The following LDHC variants were observed in gnomAD, a reference collection of about 807,000 sequenced individuals.
The protein encoded by LDHC is L-lactate dehydrogenase C chain.
A neutral mutation model predicts 30.2 loss-of-function variants in LDHC; 20 were observed. That is an observed-to-expected ratio of 0.66 (90% confidence interval 0.47 to 0.96). The LOEUF is 0.96. Ranked by LOEUF, LDHC falls within the 40% of genes least tolerant of loss-of-function variation. The pLI, the probability that LDHC is intolerant of heterozygous loss-of-function variation, is 0.00. For synonymous variants in LDHC, 139 were observed against 132.7 expected, an observed-to-expected ratio of 1.05 and a Z score of -0.32; for missense variants, 362 against 394.9, an observed-to-expected ratio of 0.92 and a Z score of 0.71.
chr11:18,445,661 G>C (rs965715712), intron 6 of LDHC, among the ~76,000 whole-genome samples: 18 of 152,246 alleles, frequency 1.2e-4, no homozygotes, highest in Admixed American at 4.6e-4. Flanking sequence ...TAAAAAAAGG[G>C]TAAATTAATT....
intron 6 of LDHC, among the ~76,000 whole-genome samples, chr11:18,444,354 A>G (rs976162560): frequency 4.6e-5 from 7 of 151,978 alleles, no homozygotes; most frequent in Non-Finnish European, 8.8e-5. Context: ...GTCCCCAGTA[A>G]TCTACTGTAG....
At position 18,446,274 on chromosome 11, in the gene LDHC, T is replaced by C. The variant is rs2658565; in HGVS notation, c.775T>C (p.Leu259=). The part of the protein sequence containing the change: ...SWAIGLSVMD[L]VGSILKNLRR... ...GGCTATTGGACTGTCTGTGATGGAT[T>C]TGGTAGGATCCATTTTGAAAAATCT... Residue 259 remains leucine (L), a synonymous_variant, in exon 7 of 8, where the codon TTG becomes CTG. Coordinates refer to ENST00000541669, the MANE Select transcript of LDHC (RefSeq NM_017448.5). 1 allele frequency: 1,601,339 copies of C among 1,601,626 alleles called. 800,527 individuals are homozygous for C. Among genetic ancestry groups the C allele is most frequent in the East Asian group, 1 (44,762 of 44,762 alleles).
In LDHC at chr11:18,434,721, A is replaced by T. The variant is rs1337210284; in HGVS notation, c.419-19A>T. 3.3e-6 allele frequency: 5 copies of T among 1,516,602 alleles called. No individual in the cohort carries two copies. Among genetic ancestry groups the T allele is most frequent in the Non-Finnish European group, 4.5e-6 (5 of 1,107,130 alleles). 93.9% of individuals were successfully genotyped at this position (1,516,602 alleles called of 1,614,324 possible). On this transcript the variant is annotated intron_variant, in intron 4 of 7. Transcript: ENST00000541669. ...AAGTTATGATGAATCTTTTTCTAACACAAAATTTTTCTTCTTAGTGGATAT... is the reference window on the plus strand; with the variant it reads ...AAGTTATGATGAATCTTTTTCTAACTCAAAATTTTTCTTCTTAGTGGATAT...
chr11:18,418,749 A>G (rs1046828164), intron 3 of LDHC, among the ~76,000 whole-genome samples: 5 of 152,188 alleles, frequency 3.3e-5, no homozygotes, highest in Admixed American at 6.6e-5. Context: ...ACTTGAAAAC[A>G]TATTCAACTT....
At chr11:18,442,621 A>G (rs1472858683) in intron 6 of LDHC, among the ~76,000 whole-genome samples, 1 of 151,060 alleles carries the variant, frequency 6.6e-6, no homozygotes, top group African/African-American at 2.4e-5. Context: ...AGGTATTGAT[A>G]CACGCATTCA....
rs1190531462 is a variant in LDHC at position 18,415,312 on chromosome 11, G to A, written c.244+11G>A. ...TTACTTCTGGAAAAGGTTAATTTTA[G>A]TTTTATAAAGTTATTTTCAAAGCTT... is the stretch of plus-strand genomic sequence containing the variant. On this transcript the variant is annotated intron_variant, in intron 3 of 7. Transcript: ENST00000541669. 1.3e-5 allele frequency: 17 copies of A among 1,283,540 alleles called. No homozygotes were observed. Among genetic ancestry groups the A allele is most frequent in the Non-Finnish European group, 1.6e-5 (14 of 892,850 alleles). 79.5% of individuals were successfully genotyped at this position (1,283,540 alleles called of 1,614,324 possible).
intron 3 of LDHC, 112 bp from the exon 4 acceptor site, chr11:18,429,625 G>A: frequency 1.9e-6 from 1 of 518,074 alleles, no homozygotes; most frequent in South Asian, 4.6e-5. Flanking sequence ...AGACATAAAG[G>A]TACATGGATA....
intron 3 of LDHC, among the ~76,000 whole-genome samples, chr11:18,421,905 T>C (rs1848066097): frequency 6.6e-6 from 1 of 151,560 alleles, no homozygotes; most frequent in African/African-American, 2.4e-5. Flanking sequence ...GGGCGAATCA[T>C]TTGAGGTCAG....
chr11:18,425,390 A>G (rs908544595), intron 3 of LDHC, among the ~76,000 whole-genome samples: 1 of 151,986 alleles, frequency 6.6e-6, no homozygotes, highest in Non-Finnish European at 1.5e-5. Context: ...AAAAATTATT[A>G]TATTTTAGAG....
chr11:18,438,301 C>G (rs1848393810), intron 5 of LDHC, among the ~76,000 whole-genome samples: 1 of 152,106 alleles, frequency 6.6e-6, no homozygotes, highest in African/African-American at 2.4e-5. Flanking sequence ...AGAGTGAAGA[C>G]TCACTCTTCA....
At chr11:18,425,466 T>G (rs915657990) in intron 3 of LDHC, among the ~76,000 whole-genome samples, 4 of 152,086 alleles carry the variant, frequency 2.6e-5, no homozygotes. Context: ...CTGCAATCTC[T>G]GCCTCCCAGG....
chr11:18,432,179 A>G (rs76586692), intron 4 of LDHC, among the ~76,000 whole-genome samples: 23,283 of 152,110 alleles, frequency 0.15, 2,005 homozygotes, highest in African/African-American at 0.23. Context: ...CTGTCATTCG[A>G]TTAGAAGAAT....
intron 6 of LDHC, among the ~76,000 whole-genome samples, chr11:18,442,152 C>G (rs1848478222): frequency 6.6e-6 from 1 of 152,130 alleles, no homozygotes; most frequent in Non-Finnish European, 1.5e-5. Flanking sequence ...GGTCTGCATA[C>G]TTGATCCCAG....
chr11:18,438,671 A>C, intron 6 of LDHC, 26 bp downstream of exon 6: 1 of 1,154,540 alleles, frequency 8.7e-7, no homozygotes, highest in Non-Finnish European at 1.3e-6. Context: ...CAGTTTCTTA[A>C]TGCCTTAATA....
At chr11:18,450,823 G>A in intron 7 of LDHC, 140 bp from the exon 8 acceptor site, 2 of 579,572 alleles carry the variant, frequency 3.5e-6, no homozygotes, top group Non-Finnish European at 5.9e-6. Context: ...TCTTGCTTTT[G>A]CTGACCATCA....
At chr11:18,427,387 CA>C (rs1057152048) in intron 3 of LDHC, among the ~76,000 whole-genome samples, 2 of 151,854 alleles carry the variant, frequency 1.3e-5, no homozygotes, top group South Asian at 2.1e-4. Flanking sequence ...AAAATAACAA[CA>C]AAAAAACGCT....
intron 6 of LDHC, among the ~76,000 whole-genome samples, chr11:18,441,175 C>T (rs1001313987): frequency 4.0e-5 from 6 of 151,682 alleles, no homozygotes; most frequent in Middle Eastern, 3.4e-3. Flanking sequence ...TATATAGCCA[C>T]GAATTGTTGT....
chr11:18,443,715 C>A (rs566805583), intron 6 of LDHC, among the ~76,000 whole-genome samples: 14 of 152,140 alleles, frequency 9.2e-5, no homozygotes, highest in Non-Finnish European at 1.9e-4. Context: ...CCACCTTGGC[C>A]TCCCAAAGTG....
intron 7 of LDHC, among the ~76,000 whole-genome samples, chr11:18,447,160 G>A (rs1285380568): frequency 6.7e-6 from 1 of 148,742 alleles, no homozygotes; most frequent in African/African-American, 2.5e-5. Flanking sequence ...TTGAGACGGA[G>A]TCTCACTCTG....
Sources: allele counts gnomAD v4.1 joint callset (sites outside exome capture counted in the v4.1 genomes callset), GRCh38; gene constraint gnomAD v4.1.1; transcripts MANE v1.5; gene names NCBI Gene and HGNC (gene_info 2026-07-23, HGNC 2026-07-21).